PBX1: variants seen among roughly 807,000 people sequenced by gnomAD.
PBX1 encodes the protein PBX homeobox 1.
In PBX1, 6 loss-of-function variants were observed where a neutral mutation model predicts 53.4. The ratio of observed to expected loss-of-function variants is 0.11; its 90% CI spans 0.06 to 0.22. The LOEUF is 0.22. Ranked by LOEUF, PBX1 falls within the 10% of genes least tolerant of loss-of-function variation. PBX1 has a pLI of 1.00. For missense variants in PBX1, 251 were observed against 551.4 expected (o/e 0.46, Z 5.46); for synonymous variants, 204 against 212.3 (o/e 0.96, Z 0.34).
At chr1:164,780,127 G>A (rs528235181) in intron 2 of PBX1, among the ~76,000 whole-genome samples, 1 of 152,100 alleles carries the variant, frequency 6.6e-6, no homozygotes, top group Non-Finnish European at 1.5e-5. Flanking sequence ...TTCTTAGTGG[G>A]GGGCTCCATC....
chr1:164,840,192 A>C (rs1344534233), intron 8 of PBX1, among the ~76,000 whole-genome samples: 1 of 152,196 alleles, frequency 6.6e-6, no homozygotes, highest in African/African-American at 2.4e-5. Context: ...CACTGATGCA[A>C]AATGTCCAAG....
intron 2 of PBX1, among the ~76,000 whole-genome samples, chr1:164,594,739 A>C (rs1655642614): frequency 6.6e-6 from 1 of 152,242 alleles, no homozygotes; most frequent in African/African-American, 2.4e-5. Flanking sequence ...TTAATGAGAT[A>C]TTTTATAATC....
chr1:164,842,390 G>A (rs1408007233), intron 8 of PBX1, among the ~76,000 whole-genome samples: 1 of 152,144 alleles, frequency 6.6e-6, no homozygotes. Flanking sequence ...GCAAAATTTG[G>A]TGTATATCAA....
intron 2 of PBX1, among the ~76,000 whole-genome samples, chr1:164,740,710 T>C (rs1665558845): frequency 6.6e-6 from 1 of 152,218 alleles, no homozygotes; most frequent in African/African-American, 2.4e-5. Flanking sequence ...GTGCCAGACA[T>C]GTATAGACAT....
Position 164,851,284 on chromosome 1 carries a change from G to A in PBX1, c.*4608G>A, listed in dbSNP as rs1558046935. 1 of 205,570 alleles carries A rather than the reference G, an allele frequency of 4.9e-6. No individual in the cohort carries two copies. The highest frequency in any genetic ancestry group is 1.9e-4 in the South Asian group (1 of 5,270). The allele number at this position is 205,570 out of a possible 1,614,324, so 12.7% of individuals were successfully genotyped here. On this transcript the variant is annotated 3_prime_UTR_variant, in exon 9 of 9. Coordinates refer to ENST00000420696, the MANE Select transcript of PBX1 (RefSeq NM_002585.4). ...ATTCAACAAATTATGTTCAGAAAGT[G>A]GTCAGAACTTAAGCAAGAAAAGTAA...
chr1:164,580,104 T>C (rs1329421210), intron 2 of PBX1, among the ~76,000 whole-genome samples: 1 of 152,176 alleles, frequency 6.6e-6, no homozygotes, highest in Admixed American at 6.5e-5. Context: ...GTTGTCCAAA[T>C]AACAAATTGT....
intron 8 of PBX1, among the ~76,000 whole-genome samples, chr1:164,835,103 A>G (rs1008058885): frequency 6.6e-6 from 1 of 152,162 alleles, no homozygotes; most frequent in Non-Finnish European, 1.5e-5. Flanking sequence ...AAAATGTGTT[A>G]TGAATATTTT....
At chr1:164,634,128 A>G (rs1411910714) in intron 2 of PBX1, among the ~76,000 whole-genome samples, 1 of 152,160 alleles carries the variant, frequency 6.6e-6, no homozygotes, top group Non-Finnish European at 1.5e-5. Context: ...CTGGACCTGC[A>G]CAGTGTAAGG....
chr1:164,654,078 TCGGG>T (rs1660003450), intron 2 of PBX1, among the ~76,000 whole-genome samples: 1 of 152,148 alleles, frequency 6.6e-6, no homozygotes, highest in Non-Finnish European at 1.5e-5. Flanking sequence ...ATATCACAAA[TCGGG>T]ACTAGAAATT....
intron 2 of PBX1, among the ~76,000 whole-genome samples, chr1:164,676,744 T>C (rs966231183): frequency 3.5e-4 from 53 of 152,328 alleles, no homozygotes; most frequent in Middle Eastern, 6.8e-3. Context: ...AATGTCCTTG[T>C]TGCTGTTTTC....
chr1:164,577,172 T>C (rs1216659120), intron 2 of PBX1, among the ~76,000 whole-genome samples: 1 of 152,236 alleles, frequency 6.6e-6, no homozygotes, highest in Non-Finnish European at 1.5e-5. Flanking sequence ...CCGTCTTTTC[T>C]GTCTCTCAGC....
At chr1:164,690,597 T>C (rs1423909472) in intron 2 of PBX1, among the ~76,000 whole-genome samples, 2 of 150,750 alleles carry the variant, frequency 1.3e-5, no homozygotes, top group Non-Finnish European at 2.9e-5. Context: ...CAAGACTCTG[T>C]CTCTAAAAGA....
At chr1:164,601,540 A>G (rs763745199) in intron 2 of PBX1, among the ~76,000 whole-genome samples, 4 of 152,156 alleles carry the variant, frequency 2.6e-5, no homozygotes, top group African/African-American at 4.8e-5. Context: ...GAAAGCATGC[A>G]AGTGCCCTTT....
intron 2 of PBX1, chr1:164,641,041 T>G (rs1483518473): frequency 6.6e-6 from 1 of 152,648 alleles, no homozygotes; most frequent in Admixed American, 6.5e-5. Context: ...AGAGATCATC[T>G]CTCAAAAAGC....
chr1:164,730,446 C>A (rs1212623172), intron 2 of PBX1, among the ~76,000 whole-genome samples: 3 of 152,148 alleles, frequency 2.0e-5, no homozygotes, highest in Admixed American at 2.0e-4. Context: ...CAGTTAAGTG[C>A]TACTTTCTCA....
intron 2 of PBX1, among the ~76,000 whole-genome samples, chr1:164,564,894 T>C (rs911533256): frequency 5.9e-5 from 9 of 152,090 alleles, no homozygotes; most frequent in Non-Finnish European, 1.2e-4. Flanking sequence ...ACTTTGAGTG[T>C]TTGGTTTGTT....
At chr1:164,862,135 A>G (rs527668304) in intron 2 of PBX1, among the ~76,000 whole-genome samples, 1 of 152,344 alleles carries the variant, frequency 6.6e-6, no homozygotes, top group African/African-American at 2.4e-5. Context: ...GTTTGGAAAT[A>G]GGAAGACCAG....
chr1:164,814,324 A>G (rs1669769814), intron 6 of PBX1: 1 of 152,248 alleles, frequency 6.6e-6, no homozygotes, highest in African/African-American at 2.4e-5. Flanking sequence ...ATGTGAAAAT[A>G]TATTTTGGCA....
In PBX1 at chr1:164,678,490, C is replaced by G. The variant is rs1269375433; in HGVS notation, c.266-114004C>G. On this transcript the variant is annotated intron_variant, in intron 2 of 8. Transcript: ENST00000420696. ...TGTGGGAAATTGCATTTTTGATGAG[C>G]AGAGCCATTGGCCTTCTTCACGTGA... 2.0e-5 allele frequency among the ~76,000 whole-genome samples: 3 copies of G among 152,192 alleles called. No homozygotes were observed. The East Asian group carries it at 5.8e-4, about 29-fold the overall frequency.
Sources: gnomAD v4.1 joint callset for allele counts (sites outside exome capture counted in the v4.1 genomes callset) on GRCh38, gnomAD v4.1.1 for gene constraint, MANE v1.5 for transcripts, NCBI Gene and HGNC (gene_info 2026-07-23, HGNC 2026-07-21) for gene names.